The following BPI variants were observed in gnomAD, a reference collection of about 807,000 sequenced individuals.
BPI encodes bactericidal permeability-increasing protein.
A neutral mutation model predicts 57.6 loss-of-function variants in BPI; 48 were observed. The ratio of observed to expected loss-of-function variants is 0.83; its 90% confidence interval spans 0.66 to 1.06. The LOEUF is 1.06. Ranked by LOEUF, BPI falls within the 50% of genes least tolerant of loss-of-function variation. The probability of loss-of-function intolerance (pLI) is 0.00; values close to 1 mark genes in which losing one functional copy is unlikely to be tolerated. For synonymous variants in BPI, 237 were observed against 238.2 expected (o/e 0.99, Z 0.05); for missense variants, 651 against 609.7 (o/e 1.07, Z -0.71).
chr20:38,320,353 A>G (rs1391719484), intron 7 of BPI, 79 bp downstream of exon 7: 1 of 1,299,616 alleles, frequency 7.7e-7, no homozygotes. Flanking sequence ...TTGGAAACAA[A>G]CTTAACAATG....
At chr20:38,325,256 A>G (rs1025335520) in intron 9 of BPI, among the ~76,000 whole-genome samples, 23 of 137,082 alleles carry the variant, frequency 1.7e-4, no homozygotes, top group African/African-American at 7.1e-4. Context: ...GGATGAGGTT[A>G]CTTTAGACAA....
Position 38,308,829 on chromosome 20 carries a change from C to T in BPI, c.246-101C>T, listed in dbSNP as rs1396346091. The T allele has an allele frequency of 2.1e-6, 3 of 1,460,988 alleles. No homozygotes were observed. In the South Asian group the frequency reaches 3.8e-5, roughly 19 times the overall value. 90.5% of individuals were successfully genotyped at this position (1,460,988 alleles called of 1,614,324 possible). On this transcript the variant is annotated intron_variant, in intron 2 of 14. Transcript: ENST00000642449. ...TCCTGGAATGGATGGAGTGAAGGACCAGGTGGTGGGGGACGAGTCTGCATT... is the reference window on the plus strand; with the variant it reads ...TCCTGGAATGGATGGAGTGAAGGACTAGGTGGTGGGGGACGAGTCTGCATT...
intron 10 of BPI, 144 bp from the exon 11 acceptor site, chr20:38,327,444 C>G: frequency 1.3e-6 from 1 of 774,272 alleles, no homozygotes; most frequent in Non-Finnish European, 2.1e-6. Context: ...AGGGAAGTCT[C>G]CCCACTCCTC....
At chr20:38,309,139 G>A in intron 3 of BPI, 81 bp downstream of exon 3, 1 of 1,594,384 alleles carries the variant, frequency 6.3e-7, no homozygotes, top group Non-Finnish European at 8.6e-7. Flanking sequence ...TCTCTGGAAT[G>A]CCCAATTTTT....
chr20:38,320,770 T>C (rs1337130187), intron 7 of BPI, among the ~76,000 whole-genome samples: 1 of 151,030 alleles, frequency 6.6e-6, no homozygotes, highest in Non-Finnish European at 1.5e-5. Context: ...CTACCACATG[T>C]GCAGCACCTA....
chr20:38,329,920 C>G (rs1398164473), intron 11 of BPI, among the ~76,000 whole-genome samples: 2 of 152,092 alleles, frequency 1.3e-5, no homozygotes, highest in Non-Finnish European at 2.9e-5. Context: ...CCATGTTGGC[C>G]AGGCTAGTCT....
chr20:38,316,114 G>A (rs564293429), intron 5 of BPI, among the ~76,000 whole-genome samples: 22 of 149,216 alleles, frequency 1.5e-4, no homozygotes, highest in Admixed American at 1.1e-3. Flanking sequence ...GATTACAGGC[G>A]TGAGCCACCA....
chr20:38,318,526 G>A (rs750478134), intron 6 of BPI, 50 bp downstream of exon 6: 9 of 1,585,084 alleles, frequency 5.7e-6, no homozygotes, highest in Non-Finnish European at 7.8e-6. Flanking sequence ...AATGGGAGGG[G>A]GTGAGGACGT....
At chr20:38,311,827 G>A (rs2076623285) in intron 4 of BPI, 47 bp from the exon 5 acceptor site, 2 of 1,590,990 alleles carry the variant, frequency 1.3e-6, no homozygotes, top group South Asian at 1.1e-5. Context: ...ATCCAGCCCA[G>A]GGACAATCAA....
Position 38,331,102 on chromosome 20 carries a change from G to A in BPI, c.1272+12G>A. On this transcript the variant is annotated intron_variant, in intron 12 of 14. Transcript: ENST00000642449. ...TTGGCCCCTTCCCGGTGAGTCTGAGGCCCTTGGTGGCTTCTTCCTCCTTCT... is the reference window on the plus strand; with the variant it reads ...TTGGCCCCTTCCCGGTGAGTCTGAGACCCTTGGTGGCTTCTTCCTCCTTCT... The A allele has an allele frequency of 6.2e-7, 1 of 1,613,788 alleles. No homozygotes were observed. Among genetic ancestry groups the A allele is most frequent in the Non-Finnish European group, 8.5e-7 (1 of 1,179,716 alleles).
At chr20:38,311,567 T>C (rs2076622085) in intron 4 of BPI, among the ~76,000 whole-genome samples, 1 of 151,940 alleles carries the variant, frequency 6.6e-6, no homozygotes, top group African/African-American at 2.4e-5. Context: ...GGCACGGTAA[T>C]GGGAGGACAC....
chr20:38,324,862 A>G (rs2076704354), intron 9 of BPI, 29 bp downstream of exon 9: 1 of 1,573,190 alleles, frequency 6.4e-7, no homozygotes, highest in Non-Finnish European at 8.7e-7. Context: ...TCCTTTAGTG[A>G]GCCCCGGGGG....
chr20:38,320,661 T>TACACACACACACACACACAC, intron 7 of BPI, among the ~76,000 whole-genome samples: 3 of 130,880 alleles, frequency 2.3e-5, no homozygotes, highest in Middle Eastern at 3.9e-3. Context: ...TTATTACCAA[T>TACACACACACACACACACAC]ACACACACAC....
intron 3 of BPI, among the ~76,000 whole-genome samples, chr20:38,310,047 C>A (rs1218270196): frequency 6.6e-6 from 1 of 152,216 alleles, no homozygotes. Flanking sequence ...CCCATTTCAT[C>A]CCTGAAGGAG....
chr20:38,310,660 C>T lies in BPI; in HGVS notation c.536+8C>T. On this transcript the variant is annotated splice_region_variant and intron_variant, in intron 4 of 14. Transcript: ENST00000642449. ...CTCAAAGAGCAAAGTGGGGTATGGA[C>T]TCCCGGGACTGTGGCTGGGAGGAGG... 1.2e-6 allele frequency: 2 copies of T among 1,603,174 alleles called. No homozygotes were observed. The highest frequency in any genetic ancestry group is 1.7e-6 in the Non-Finnish European group (2 of 1,171,458).
At chr20:38,324,112 C>T in intron 8 of BPI, 66 bp downstream of exon 8, 1 of 1,535,928 alleles carries the variant, frequency 6.5e-7, no homozygotes, top group Non-Finnish European at 8.8e-7. Context: ...ACCTTCCAGA[C>T]AAATCTGGAA....
At chr20:38,311,620 C>G (rs374530521) in intron 4 of BPI, among the ~76,000 whole-genome samples, 3 of 152,140 alleles carry the variant, frequency 2.0e-5, no homozygotes, top group Middle Eastern at 3.4e-3. Context: ...TAGTGTGCAG[C>G]AAGGGAGGGG....
At chr20:38,331,158 A>T in intron 12 of BPI, 68 bp downstream of exon 12, 1 of 1,535,494 alleles carries the variant, frequency 6.5e-7, no homozygotes, top group East Asian at 2.2e-5. Flanking sequence ...GACATGTCAT[A>T]GGCTCAAGGC....
In BPI at chr20:38,324,037, A is replaced by T; in HGVS notation, c.924A>T (p.Arg308Ser). The T allele has an allele frequency of 6.2e-7, 1 of 1,613,838 alleles. No homozygotes were observed. Among genetic ancestry groups the T allele is most frequent in the Non-Finnish European group, 8.5e-7 (1 of 1,180,016 alleles). The change falls in exon 8 of 15, where the codon AGA becomes AGT. Residue 308 changes from arginine to serine, a missense_variant. Transcript: ENST00000642449. ...QEAGVLKMTL[R>S]DDMIPKESKF... Reference sequence around the variant, plus strand: ...CTGGGGTCTTGAAGATGACCCTTAGAGATGACATGGTAAGGCCGGGCTCTG... The same window carrying T: ...CTGGGGTCTTGAAGATGACCCTTAGTGATGACATGGTAAGGCCGGGCTCTG...
Sources: allele counts gnomAD v4.1 joint callset (sites outside exome capture counted in the v4.1 genomes callset), GRCh38; gene constraint gnomAD v4.1.1; transcripts MANE v1.5; gene names NCBI Gene and HGNC (gene_info 2026-07-23, HGNC 2026-07-21).